NLGN1: variants seen among roughly 807,000 people sequenced by gnomAD.
NLGN1 encodes the protein neuroligin-1.
NLGN1 carries 12 observed loss-of-function variants against 65.5 expected under a neutral mutation model. That is an observed-to-expected ratio of 0.18 (90% CI 0.12 to 0.30). The LOEUF is 0.30. Among genes scored for constraint, NLGN1 ranks in the 10% least tolerant of loss-of-function variants. The pLI is 1.00. For synonymous variants in NLGN1, 350 were observed against 359.5 expected, an observed-to-expected ratio of 0.97 and a Z score of 0.30; for missense variants, 750 against 1,007.1, an observed-to-expected ratio of 0.74 and a Z score of 3.46.
At chr3:173,636,955 AAAAT>A (rs1341889048) in intron 3 of NLGN1, among the ~76,000 whole-genome samples, 4 of 152,296 alleles carry the variant, frequency 2.6e-5, no homozygotes, top group Non-Finnish European at 4.4e-5. Context: ...GCTAGTGTGA[AAAAT>A]AAATACAGTC....
chr3:173,947,295 T>C (rs1747371265), intron 4 of NLGN1, among the ~76,000 whole-genome samples: 1 of 152,074 alleles, frequency 6.6e-6, no homozygotes, highest in Admixed American at 6.6e-5. Context: ...GTGCTGGGAT[T>C]ACAGGTGTTA....
intron 4 of NLGN1, among the ~76,000 whole-genome samples, chr3:174,235,703 G>A (rs1741580666): frequency 6.6e-6 from 1 of 152,084 alleles, no homozygotes; most frequent in African/African-American, 2.4e-5. Flanking sequence ...TTTTAAAAAT[G>A]TGGATTTGTT....
Position 173,783,495 on chromosome 3 carries a change from T to C in NLGN1, c.494-24185T>C, listed in dbSNP as rs535974447. Among the ~76,000 whole-genome samples the C allele has an allele frequency of 3.9e-5, 6 of 152,328 alleles. No individual in the cohort carries two copies. The South Asian group carries it at 1.0e-3, about 26-fold the overall frequency. On this transcript the variant is annotated intron_variant, in intron 3 of 6. Coordinates refer to ENST00000457714, the Ensembl canonical transcript of NLGN1. ...TCATTCTGAGCTATATTTTAATTGA[T>C]CTAAGATTGTGCATAATCCAGAGTT...
At chr3:174,072,702 A>G (rs902728503) in intron 4 of NLGN1, among the ~76,000 whole-genome samples, 1 of 152,036 alleles carries the variant, frequency 6.6e-6, no homozygotes, top group Admixed American at 6.6e-5. Flanking sequence ...TGACAGAGAG[A>G]AGGGTATTGG....
At chr3:173,597,201 A>G (rs1167214106) in intron 2 of NLGN1, among the ~76,000 whole-genome samples, 3 of 152,188 alleles carry the variant, frequency 2.0e-5, no homozygotes, top group African/African-American at 7.2e-5. Context: ...CTGTGTCACA[A>G]AGGTGCAGGA....
chr3:173,448,143 T>A (rs76115851), intron 2 of NLGN1, among the ~76,000 whole-genome samples: 72,893 of 151,890 alleles, frequency 0.48, 19,991 homozygotes, highest in East Asian at 0.85. Context: ...TTGTGCCAGT[T>A]TTCAAAGGGA....
intron 4 of NLGN1, among the ~76,000 whole-genome samples, chr3:174,177,059 G>A (rs1483027234): frequency 6.6e-6 from 1 of 151,292 alleles, no homozygotes; most frequent in Admixed American, 6.6e-5. Context: ...ATAAAACTAA[G>A]TTAATGATTT....
chr3:173,857,349 A>G (rs1560504649), intron 4 of NLGN1, among the ~76,000 whole-genome samples: 1 of 152,134 alleles, frequency 6.6e-6, no homozygotes, highest in East Asian at 1.9e-4. Flanking sequence ...AATTCCCTCT[A>G]TGCTGTAAAT....
intron 3 of NLGN1, among the ~76,000 whole-genome samples, chr3:173,750,912 A>T (rs1327079037): frequency 6.6e-6 from 1 of 152,138 alleles, no homozygotes; most frequent in Non-Finnish European, 1.5e-5. Context: ...AGCACAACTT[A>T]ACTGCTGGTA....
At chr3:173,880,488 A>C (rs1018716296) in intron 4 of NLGN1, among the ~76,000 whole-genome samples, 1 of 151,584 alleles carries the variant, frequency 6.6e-6, no homozygotes, top group African/African-American at 2.4e-5. Context: ...GATTCACACA[A>C]ATTTTTTTTT....
chr3:174,086,546 G>C (rs1267351321), intron 4 of NLGN1, among the ~76,000 whole-genome samples: 1 of 151,248 alleles, frequency 6.6e-6, no homozygotes, highest in African/African-American at 2.4e-5. Context: ...GTTCAGAAAA[G>C]AATACGAGTT....
intron 3 of NLGN1, among the ~76,000 whole-genome samples, chr3:173,720,533 TG>T (rs1368698762): frequency 6.6e-6 from 1 of 152,154 alleles, no homozygotes; most frequent in African/African-American, 2.4e-5. Flanking sequence ...AATGAGAAGG[TG>T]GGAGTGGATA....
At chr3:173,950,694 T>C (rs1173720926) in intron 4 of NLGN1, among the ~76,000 whole-genome samples, 1 of 148,834 alleles carries the variant, frequency 6.7e-6, no homozygotes, top group African/African-American at 2.5e-5. Context: ...ACACCTATAA[T>C]CCCAGCTACT....
rs577334009 is a variant in NLGN1 at position 174,019,660 on chromosome 3, T to C, written c.646+211828T>C. ...ACATCTTAACAGTATCTCTGCATGG[T>C]ATATTGTCAGTAATTGTTTTTTCTT... is the stretch of plus-strand genomic sequence containing the variant. On this transcript the variant is annotated intron_variant, in intron 4 of 6. Coordinates refer to ENST00000457714, the Ensembl canonical transcript of NLGN1. Among the ~76,000 whole-genome samples the C allele has an allele frequency of 5.9e-5, 9 of 152,276 alleles. No homozygotes were observed. In the East Asian group the frequency reaches 1.7e-3, roughly 29 times the overall value.
intron 4 of NLGN1, among the ~76,000 whole-genome samples, chr3:173,870,767 A>G (rs1279642693): frequency 6.6e-6 from 1 of 152,226 alleles, no homozygotes; most frequent in Non-Finnish European, 1.5e-5. Flanking sequence ...ATCGAATGAA[A>G]AATACCTGTT....
At chr3:173,963,677 A>G (rs1714130255) in intron 4 of NLGN1, among the ~76,000 whole-genome samples, 2 of 152,196 alleles carry the variant, frequency 1.3e-5, no homozygotes, top group South Asian at 4.1e-4. Context: ...TTAGGACAGG[A>G]TGTTATCATC....
chr3:174,098,833 A>C (rs1037628695), intron 4 of NLGN1, among the ~76,000 whole-genome samples: 36 of 152,204 alleles, frequency 2.4e-4, no homozygotes, highest in African/African-American at 8.7e-4. Flanking sequence ...ATATAAAGCA[A>C]ATGCATGTTG....
intron 4 of NLGN1, among the ~76,000 whole-genome samples, chr3:174,227,658 G>A (rs1207293355): frequency 6.6e-6 from 1 of 151,982 alleles, no homozygotes; most frequent in Non-Finnish European, 1.5e-5. Flanking sequence ...TGAGAAAACT[G>A]TGATCAAAAG....
chr3:174,046,372 CT>C (rs373611284), intron 4 of NLGN1, among the ~76,000 whole-genome samples: 2,982 of 144,568 alleles, frequency 0.021, 60 homozygotes, highest in South Asian at 0.093. Flanking sequence ...AAGCAGGCAA[CT>C]TTTTTTTTTT....
Sources: gnomAD v4.1 joint callset for allele counts (sites outside exome capture counted in the v4.1 genomes callset) on GRCh38, gnomAD v4.1.1 for gene constraint, MANE v1.5 for transcripts, NCBI Gene and HGNC (gene_info 2026-07-23, HGNC 2026-07-21) for gene names.